Variants in ENTPD4 observed in about 807,000 individuals in gnomAD.
The protein encoded by ENTPD4 is Golgi UDPase.
A neutral mutation model predicts 79.1 loss-of-function variants in ENTPD4; 60 were observed. The observed-to-expected ratio is 0.76, with a 90% CI of 0.62 to 0.94. The LOEUF (loss-of-function observed/expected upper bound fraction) is 0.94. Among genes scored for constraint, ENTPD4 ranks in the 40% least tolerant of loss-of-function variants. ENTPD4 has a pLI of 0.00. For missense variants in ENTPD4, 772 were observed against 775.1 expected (o/e 1.00, Z 0.05); for synonymous variants, 276 against 292.0 (o/e 0.95, Z 0.56).
chr8:23,445,322 C>T (rs1800747017), intron 4 of ENTPD4, among the ~76,000 whole-genome samples: 1 of 152,156 alleles, frequency 6.6e-6, no homozygotes, highest in Admixed American at 6.5e-5. Flanking sequence ...TGACCATCTC[C>T]CCACCATTCC....
intron 1 of ENTPD4, among the ~76,000 whole-genome samples, chr8:23,453,633 T>C (rs1411170780): frequency 1.3e-5 from 2 of 152,198 alleles, no homozygotes; most frequent in East Asian, 3.8e-4. Context: ...GGCCTGGTGA[T>C]ACTTGGCTAA....
rs565935975 is a variant in ENTPD4, at chr8:23,435,252, G to A, written c.1460+140C>T. 36 of 624,622 alleles carry A rather than the reference G, an allele frequency of 5.8e-5. No homozygotes were observed. In the East Asian group the frequency reaches 6.7e-4, roughly 12 times the overall value. The allele number at this position is 624,622 out of a possible 1,614,324, so 38.7% of individuals were successfully genotyped here. On this transcript the variant is annotated intron_variant, in intron 11 of 12. Coordinates refer to ENST00000358689, the MANE Select transcript of ENTPD4 (RefSeq NM_004901.5). ...ATGTCTGGGCACAAGTATTTGTCCC[G>A]TTTGAAAGGGGCCCAGGGTAGATGG...
intron 1 of ENTPD4, among the ~76,000 whole-genome samples, chr8:23,451,646 C>A (rs890509786): frequency 6.6e-6 from 1 of 152,192 alleles, no homozygotes; most frequent in African/African-American, 2.4e-5. Flanking sequence ...CTGACCTCAT[C>A]GTCTGCTCTC....
chr8:23,439,717 A>C (rs1800633603), intron 9 of ENTPD4, 32 bp downstream of exon 9: 2 of 1,608,858 alleles, frequency 1.2e-6, no homozygotes, highest in Non-Finnish European at 1.7e-6. Context: ...CTAGGTTTGC[A>C]AATGACTGCC....
chr8:23,455,067 T>A (rs1800934228), intron 1 of ENTPD4, among the ~76,000 whole-genome samples: 1 of 152,236 alleles, frequency 6.6e-6, no homozygotes, highest in African/African-American at 2.4e-5. Flanking sequence ...GGGGCCCTAC[T>A]TGGCTGAACA....
rs141404851 is a variant in ENTPD4 at position 23,445,213 on chromosome 8, T to C, written c.413-607A>G. On this transcript the variant is annotated intron_variant, in intron 4 of 12. Transcript: ENST00000358689. ...ATCCCAACACACAACCTGGGTTTCATAGATCGCCTCTCCTTGGTTCCTCTC... is the reference window on the plus strand; with the variant it reads ...ATCCCAACACACAACCTGGGTTTCACAGATCGCCTCTCCTTGGTTCCTCTC... Among the ~76,000 whole-genome samples the C allele has an allele frequency of 5.3e-5, 8 of 152,322 alleles. No homozygotes were observed. The East Asian group carries it at 7.7e-4, about 15-fold the overall frequency.
chr8:23,449,345 T>C (rs1313395100), intron 2 of ENTPD4, among the ~76,000 whole-genome samples: 1 of 152,174 alleles, frequency 6.6e-6, no homozygotes, highest in Non-Finnish European at 1.5e-5. Flanking sequence ...GAAAGGCATG[T>C]CGTAAGCTGG....
At chr8:23,440,098 G>A in intron 8 of ENTPD4, 183 bp from the exon 9 acceptor site, 1 of 542,632 alleles carries the variant, frequency 1.8e-6, no homozygotes, top group Non-Finnish European at 3.2e-6. Flanking sequence ...AATTTCAGAT[G>A]GGCTGCAAAT....
At position 23,447,890 on chromosome 8, in the gene ENTPD4, T is replaced by A. The variant is rs188475018; in HGVS notation, c.207-5A>T. ...TCGGTAACTCGTGCCAGGTACCTTGTATAGAAACACACGTATGCTTTGATT... is the reference window on the plus strand; with the variant it reads ...TCGGTAACTCGTGCCAGGTACCTTGAATAGAAACACACGTATGCTTTGATT... On this transcript the variant is annotated splice_polypyrimidine_tract_variant and splice_region_variant and intron_variant, in intron 3 of 12. Transcript: ENST00000358689. 6.5e-5 allele frequency: 104 copies of A among 1,612,104 alleles called. No homozygotes were observed. In the East Asian group the frequency reaches 2.2e-3, roughly 34 times the overall value.
rs1247189778 is a variant in ENTPD4, at chr8:23,435,393, T to C, written c.1459A>G (p.Lys487Glu). ...YASHADLHRL[K>E]YQCFKSAWMF... ...TGGGCTTGACCTTCTAGTACTTACT[T>C]AAGCCTGTGGAGGTCAGCATGAGAG... Residue 487 changes from lysine (K) to glutamate (E), a missense_variant and splice_region_variant, in exon 11 of 13, where the codon AAG becomes GAG. Physicochemically the swap from Lys to Glu is moderately conservative, Grantham distance 56. Coordinates refer to ENST00000358689, the MANE Select transcript of ENTPD4 (RefSeq NM_004901.5). The C allele has an allele frequency of 6.2e-7, 1 of 1,612,296 alleles. No homozygotes were observed. Among genetic ancestry groups the C allele is most frequent in the Admixed American group, 1.7e-5 (1 of 59,998 alleles).
intron 4 of ENTPD4, 21 bp from the exon 5 acceptor site, chr8:23,444,627 A>G: frequency 6.2e-7 from 1 of 1,609,946 alleles, no homozygotes; most frequent in Non-Finnish European, 8.5e-7. Context: ...AGGATACTTT[A>G]GTTAAGAAGC....
intron 3 of ENTPD4, among the ~76,000 whole-genome samples, chr8:23,448,497 C>T (rs965834591): frequency 5.0e-4 from 76 of 152,120 alleles, no homozygotes; most frequent in Non-Finnish European, 8.4e-4. Context: ...GCCCCCTCAC[C>T]CCCTTTCCAT....
rs1414940955 is a variant in ENTPD4, at chr8:23,439,854, TCA to T, written c.942_943del (p.Glu315AlafsTer39). 1 of 1,613,972 alleles carries T rather than the reference TCA, an allele frequency of 6.2e-7. No homozygotes were observed. The highest frequency in any genetic ancestry group is 8.5e-7 in the Non-Finnish European group (1 of 1,179,944). On this transcript the variant is annotated frameshift_variant, in exon 9 of 13. Coordinates refer to ENST00000358689, the MANE Select transcript of ENTPD4 (RefSeq NM_004901.5). LOFTEE classifies it high-confidence loss of function. ...GGCCACATAGACTCGATACACATGC[TCA>T]GTTTGGTGAACATCACATCCCAAGT...
At position 23,444,454 on chromosome 8, in the gene ENTPD4, A is replaced by C. The variant is rs1159837944; in HGVS notation, c.563+2T>G. On this transcript the variant is annotated splice_donor_variant, in intron 5 of 12. Transcript: ENST00000358689. LOFTEE classifies it high-confidence loss of function. ...CACCCTTGCCCTTCTGTGGAGGATC[A>C]CCTTTCGGGGAGGATTCTCATTCCA... 2 of 1,613,250 alleles carry C rather than the reference A, an allele frequency of 1.2e-6. No individual in the cohort carries two copies. The highest frequency in any genetic ancestry group is 1.7e-6 in the Non-Finnish European group (2 of 1,179,532).
chr8:23,431,494 T>A lies in ENTPD4; in HGVS notation c.*1432A>T. 1 of 985,474 alleles carries A rather than the reference T, an allele frequency of 1.0e-6. No homozygotes were observed. Among genetic ancestry groups the A allele is most frequent in the Non-Finnish European group, 1.2e-6 (1 of 829,938 alleles). 61.0% of individuals were successfully genotyped at this position (985,474 alleles called of 1,614,324 possible). A position where few individuals can be genotyped will look rare whatever the true frequency, so the allele number is the denominator to read the frequency against. On this transcript the variant is annotated 3_prime_UTR_variant, in exon 13 of 13. Transcript: ENST00000358689. ...CATATGCCAATCCAATTGTCCTTTT[T>A]AGATTTTGGCTTAAATTGTCGAATT...
At chr8:23,446,680 G>A (rs1800768439) in intron 4 of ENTPD4, among the ~76,000 whole-genome samples, 1 of 152,182 alleles carries the variant, frequency 6.6e-6, no homozygotes, top group Admixed American at 6.5e-5. Context: ...GTTGAGGGCT[G>A]CCTGAAGGAG....
chr8:23,450,937 CCCA>C (rs1218508193), intron 1 of ENTPD4, among the ~76,000 whole-genome samples: 1 of 152,164 alleles, frequency 6.6e-6, no homozygotes, highest in Non-Finnish European at 1.5e-5. Flanking sequence ...CAATCTTGAT[CCCA>C]CCAAGCTACA....
chr8:23,439,810 C>T lies in ENTPD4; in HGVS notation c.988G>A (p.Gly330Ser). The T allele has an allele frequency of 6.2e-7, 1 of 1,614,120 alleles. No individual in the cohort carries two copies. Among genetic ancestry groups the T allele is most frequent in the Non-Finnish European group, 8.5e-7 (1 of 1,180,024 alleles). ...TCGTATCTCTGTCGAGCAGCATTGC[C>T]ACCAAACCCAAGAAACGTGGCCACA... is the stretch of plus-strand genomic sequence containing the variant. ...VYVATFLGFG[G>S]NAARQRYEDR... Residue 330 changes from glycine to serine, a missense_variant, in exon 9 of 13, where the codon GGC becomes AGC. By Grantham distance (56) the Gly-to-Ser change is moderately conservative. Transcript: ENST00000358689.
intron 1 of ENTPD4, among the ~76,000 whole-genome samples, chr8:23,454,563 A>C (rs1800920093): frequency 6.6e-6 from 1 of 152,230 alleles, no homozygotes; most frequent in Non-Finnish European, 1.5e-5. Flanking sequence ...AGCACAGAGA[A>C]GGCTAGCTTT....
Sources: allele counts gnomAD v4.1 joint callset (sites outside exome capture counted in the v4.1 genomes callset), GRCh38; gene constraint gnomAD v4.1.1; transcripts MANE v1.5; gene names NCBI Gene and HGNC (gene_info 2026-07-23, HGNC 2026-07-21).